SLC25A44: variants seen among roughly 807,000 people sequenced by gnomAD.
SLC25A44 encodes solute carrier family 25 member 44.
In SLC25A44, 17 loss-of-function variants were observed where a neutral mutation model predicts 29.9. That is an observed-to-expected ratio of 0.57 (90% CI 0.39 to 0.85). The LOEUF is 0.85. Among genes scored for constraint, SLC25A44 ranks in the 40% least tolerant of loss-of-function variants. The probability of loss-of-function intolerance (pLI) is 0.00; values close to 1 mark genes in which losing one functional copy is unlikely to be tolerated. For synonymous variants in SLC25A44, 140 were observed against 151.8 expected (o/e 0.92, Z 0.57); for missense variants, 302 against 398.4 (o/e 0.76, Z 2.06).
intron 3 of SLC25A44, 26 bp from the exon 4 acceptor site, chr1:156,210,214 G>A: frequency 1.3e-6 from 2 of 1,500,690 alleles, no homozygotes; most frequent in South Asian, 1.3e-5. Flanking sequence ...ACAGACAATG[G>A]CCCTCCACTG....
At chr1:156,207,422 G>A (rs555535014) in intron 2 of SLC25A44, among the ~76,000 whole-genome samples, 2 of 152,016 alleles carry the variant, frequency 1.3e-5, no homozygotes, top group Admixed American at 6.5e-5. Context: ...CTCATGATCT[G>A]CCCGCCTTGG....
Position 156,208,266 on chromosome 1 carries a change from C to T in SLC25A44, c.753+253C>T, listed in dbSNP as rs559423293. Among the ~76,000 whole-genome samples, 3 of 152,230 alleles carry T rather than the reference C, an allele frequency of 2.0e-5. No homozygotes were observed. In the South Asian group the frequency reaches 6.2e-4, roughly 32 times the overall value. ...GGCAGATCACCTGAGCCCAGGAGTTCGAGACCAGCCTGGCCAACATGGTGA... is the reference window on the plus strand; with the variant it reads ...GGCAGATCACCTGAGCCCAGGAGTTTGAGACCAGCCTGGCCAACATGGTGA... On this transcript the variant is annotated intron_variant, in intron 3 of 3. Transcript: ENST00000359511.
In SLC25A44 at chr1:156,211,276, C is replaced by T. The variant is rs1414243530; in HGVS notation, c.*845C>T. ...AGTCTAAGCTGGGGCATCCCCTGGC[C>T]CAGAGGACTCCCGTGGTGGGCACAG... On this transcript the variant is annotated 3_prime_UTR_variant, in exon 4 of 4. Transcript: ENST00000359511. The T allele has an allele frequency of 6.5e-6, 1 of 152,784 alleles. No homozygotes were observed. Among genetic ancestry groups the T allele is most frequent in the Non-Finnish European group, 1.5e-5 (1 of 68,098 alleles). The allele number at this position is 152,784 out of a possible 1,614,324, so 9.5% of individuals were successfully genotyped here.
intron 1 of SLC25A44, among the ~76,000 whole-genome samples, chr1:156,195,506 CAG>C (rs1656159434): frequency 6.6e-6 from 1 of 152,198 alleles, no homozygotes. Context: ...GCGTTAATAA[CAG>C]AGTCCAAATT....
rs946984220 is a variant in SLC25A44, at chr1:156,211,554, A to G, written c.*1123A>G. On this transcript the variant is annotated 3_prime_UTR_variant, in exon 4 of 4. Transcript: ENST00000359511. ...GTGTTGTCTCACTATGGTGATCTCT[A>G]AGATCCACATCACTGGATGCGTAGT... 1 of 152,396 alleles carries G rather than the reference A, an allele frequency of 6.6e-6. No homozygotes were observed. Among genetic ancestry groups the G allele is most frequent in the Non-Finnish European group, 1.5e-5 (1 of 68,028 alleles). The allele number at this position is 152,396 out of a possible 1,614,324, so 9.4% of individuals were successfully genotyped here.
rs1039668079 is a variant in SLC25A44 at position 156,212,732 on chromosome 1, A to G, written c.*2301A>G. The G allele has an allele frequency of 2.9e-5, 10 of 344,890 alleles. No individual in the cohort carries two copies. The highest frequency in any genetic ancestry group is 4.9e-5 in the Non-Finnish European group (9 of 184,718). 21.4% of individuals were successfully genotyped at this position (344,890 alleles called of 1,614,324 possible). On this transcript the variant is annotated 3_prime_UTR_variant, in exon 4 of 4. Transcript: ENST00000359511. ...TGGACTCTTGTGAAAATTAACAGTG[A>G]ATATTCACTGTTGCACTGTACGAAG...
intron 2 of SLC25A44, among the ~76,000 whole-genome samples, chr1:156,200,758 AG>A (rs1480099709): frequency 6.6e-6 from 1 of 151,864 alleles, no homozygotes; most frequent in African/African-American, 2.4e-5. Context: ...GGAGGACAAA[AG>A]CCATGGGATG....
In SLC25A44 at chr1:156,211,053, GTT is replaced by G. The variant is rs969480660; in HGVS notation, c.*625_*626del. 1.5e-3 allele frequency: 149 copies of G among 101,256 alleles called. No homozygotes were observed. The highest frequency in any genetic ancestry group is 5.1e-3 in the South Asian group (13 of 2,566). 6.3% of individuals were successfully genotyped at this position (101,256 alleles called of 1,614,324 possible). On this transcript the variant is annotated 3_prime_UTR_variant, in exon 4 of 4. Coordinates refer to ENST00000359511, the MANE Select transcript of SLC25A44 (RefSeq NM_014655.4). ...GGTTGGGAGAAATGTTGATACTTTT[GTT>G]TTGTGTGTGTGTGTGTGTGTGTGTG...
chr1:156,210,689 T>G lies in SLC25A44; in HGVS notation c.*258T>G. On this transcript the variant is annotated 3_prime_UTR_variant, in exon 4 of 4. Transcript: ENST00000359511. ...TCAGTCCCTGTATTTGATACTGGCC[T>G]AAAGACCCCACCCCCCACCCTGCCA... The G allele has an allele frequency of 1.2e-5, 3 of 241,888 alleles. No individual in the cohort carries two copies. The highest frequency in any genetic ancestry group is 1.6e-5 in the Non-Finnish European group (2 of 126,594). 15.0% of individuals were successfully genotyped at this position (241,888 alleles called of 1,614,324 possible).
At chr1:156,206,899 T>A (rs1257166086) in intron 2 of SLC25A44, among the ~76,000 whole-genome samples, 2 of 152,192 alleles carry the variant, frequency 1.3e-5, no homozygotes, top group Non-Finnish European at 2.9e-5. Flanking sequence ...ATATTTAGTG[T>A]GTGCTTTTCT....
intron 2 of SLC25A44, among the ~76,000 whole-genome samples, chr1:156,203,165 C>T (rs1458982204): frequency 3.3e-5 from 5 of 152,204 alleles, no homozygotes; most frequent in Non-Finnish European, 7.3e-5. Context: ...TCCTGGTATA[C>T]ATCAGGCTCT....
intron 1 of SLC25A44, chr1:156,196,428 A>T (rs1418804858): frequency 6.6e-6 from 1 of 152,210 alleles, no homozygotes; most frequent in Non-Finnish European, 1.5e-5. Context: ...GGAGTTTAAA[A>T]TAGATTGGCA....
At chr1:156,210,164 A>G (rs1263521618) in intron 3 of SLC25A44, 76 bp from the exon 4 acceptor site, 7 of 1,082,226 alleles carry the variant, frequency 6.5e-6, no homozygotes, top group Admixed American at 2.6e-5. Flanking sequence ...TCCCCACTTT[A>G]GCCTAAGGCA....
intron 1 of SLC25A44, among the ~76,000 whole-genome samples, chr1:156,195,606 G>T (rs1656169423): frequency 6.6e-6 from 1 of 152,184 alleles, no homozygotes; most frequent in South Asian, 2.1e-4. Context: ...GGATAGTCTG[G>T]GGGTTGCATA....
chr1:156,203,653 T>G (rs1256907666), intron 2 of SLC25A44, among the ~76,000 whole-genome samples: 2 of 151,412 alleles, frequency 1.3e-5, no homozygotes, highest in Non-Finnish European at 2.9e-5. Flanking sequence ...ATGAAAGATG[T>G]GGAGTCCCTC....
intron 2 of SLC25A44, among the ~76,000 whole-genome samples, chr1:156,205,421 T>C (rs117921079): frequency 2.6e-5 from 4 of 152,188 alleles, no homozygotes; most frequent in African/African-American, 9.6e-5. Context: ...GGATCTCATA[T>C]GCTGTTCCTT....
intron 2 of SLC25A44, among the ~76,000 whole-genome samples, chr1:156,204,259 G>A (rs1201118133): frequency 1.3e-5 from 2 of 150,520 alleles, no homozygotes; most frequent in African/African-American, 2.4e-5. Flanking sequence ...CACCTGCCTC[G>A]GCCTCCCAAA....
At position 156,207,381 on chromosome 1, in the gene SLC25A44, A is replaced by G. The variant is rs777909498; in HGVS notation, c.626-505A>G. 2.8e-4 allele frequency among the ~76,000 whole-genome samples: 43 copies of G among 152,098 alleles called. 1 individual carries two copies. The highest frequency in any genetic ancestry group is 4.4e-4 in the Non-Finnish European group (30 of 68,020). Reference sequence around the variant, plus strand: ...TTTTTAGTAGAGACGGGGTTTCACCATGTTAGCCAGGATGGTCTTGATCTC... The same window carrying G: ...TTTTTAGTAGAGACGGGGTTTCACCGTGTTAGCCAGGATGGTCTTGATCTC... On this transcript the variant is annotated intron_variant, in intron 2 of 3. Coordinates refer to ENST00000359511, the MANE Select transcript of SLC25A44 (RefSeq NM_014655.4).
At position 156,207,949 on chromosome 1, in the gene SLC25A44, C is replaced by A. The variant is rs753393885; in HGVS notation, c.689C>A (p.Pro230His). ...PHIVFQAVSG[P>H]LAAATASILT... ...ATTGTCTTTCAAGCTGTCTCGGGGCCCCTGGCTGCAGCCACTGCCTCCATC... is the reference window on the plus strand; with the variant it reads ...ATTGTCTTTCAAGCTGTCTCGGGGCACCTGGCTGCAGCCACTGCCTCCATC... Residue 230 changes from proline to histidine, a missense_variant, in exon 3 of 4, where the codon CCC becomes CAC. Physicochemically the swap from Pro to His is moderately conservative, Grantham distance 77. Transcript: ENST00000359511. 6.8e-6 allele frequency: 11 copies of A among 1,613,938 alleles called. No individual in the cohort carries two copies. The highest frequency in any genetic ancestry group is 9.3e-6 in the Non-Finnish European group (11 of 1,179,984).
Sources: gnomAD v4.1 joint callset for allele counts (sites outside exome capture counted in the v4.1 genomes callset) on GRCh38, gnomAD v4.1.1 for gene constraint, MANE v1.5 for transcripts, NCBI Gene and HGNC (gene_info 2026-07-23, HGNC 2026-07-21) for gene names.